The following RAB3C variants were observed in gnomAD, a reference collection of about 807,000 sequenced individuals.
RAB3C encodes the protein RAB3C, member RAS oncogene family, also known as ras-related protein Rab-3C.
Under a neutral mutation model 26.4 loss-of-function variants are expected in RAB3C, and 17 were observed. The ratio of observed to expected loss-of-function variants is 0.64; its 90% confidence interval spans 0.44 to 0.97. RAB3C has a LOEUF of 0.97. RAB3C is among the 50% of genes least tolerant of loss of function. The pLI is 0.00. For synonymous variants in RAB3C, 91 were observed against 95.9 expected, an observed-to-expected ratio of 0.95 and a Z score of 0.30; for missense variants, 242 against 281.9, an observed-to-expected ratio of 0.86 and a Z score of 1.01.
chr5:58,813,473 T>C (rs975886521), intron 3 of RAB3C, among the ~76,000 whole-genome samples: 1 of 151,732 alleles, frequency 6.6e-6, no homozygotes, highest in Non-Finnish European at 1.5e-5. Context: ...AGGTTGGGTA[T>C]CTTCTGTGGT....
In RAB3C at chr5:58,697,084, A is replaced by G. The variant is rs543873113; in HGVS notation, c.253-28918A>G. Among the ~76,000 whole-genome samples the G allele has an allele frequency of 4.7e-4, 72 of 152,218 alleles. 1 individual carries two copies. The highest frequency in any genetic ancestry group is 4.3e-3 in the South Asian group (21 of 4,834). Reference sequence around the variant, plus strand: ...TAGTGCTATAAATTTCCCTCTACACACTGCTTTAAACGTGTCCCAGAGGTT... The same window carrying G: ...TAGTGCTATAAATTTCCCTCTACACGCTGCTTTAAACGTGTCCCAGAGGTT... On this transcript the variant is annotated intron_variant, in intron 2 of 4. Transcript: ENST00000282878.
At chr5:58,815,527 C>T (rs916999125) in intron 3 of RAB3C, among the ~76,000 whole-genome samples, 1 of 152,188 alleles carries the variant, frequency 6.6e-6, no homozygotes, top group African/African-American at 2.4e-5. Flanking sequence ...CACTTGCCTT[C>T]CCTTACTGCA....
chr5:58,816,094 G>T (rs1743209558), intron 3 of RAB3C, among the ~76,000 whole-genome samples: 1 of 152,166 alleles, frequency 6.6e-6, no homozygotes, highest in African/African-American at 2.4e-5. Flanking sequence ...GAGCCATACT[G>T]CCAGCTCCAG....
chr5:58,635,846 C>T lies in RAB3C; in HGVS notation c.252+17976C>T, dbSNP rs780681570. On this transcript the variant is annotated intron_variant, in intron 2 of 4. Coordinates refer to ENST00000282878, the MANE Select transcript of RAB3C (RefSeq NM_138453.4). ...GAAGAGTTCACTAGATGGTGGACAA[C>T]GCGTGGTGTTTGGTAATAGGAGATA... is the stretch of plus-strand genomic sequence containing the variant. Among the ~76,000 whole-genome samples the T allele has an allele frequency of 7.2e-5, 11 of 152,172 alleles. 1 individual carries two copies. The East Asian group carries it at 7.7e-4, about 11-fold the overall frequency.
At chr5:58,741,117 C>T (rs917364378) in intron 3 of RAB3C, among the ~76,000 whole-genome samples, 3 of 152,088 alleles carry the variant, frequency 2.0e-5, no homozygotes, top group Admixed American at 6.5e-5. Context: ...TAGAACCAGC[C>T]GGAAAGATAG....
chr5:58,850,670 A>G (rs561921986), intron 4 of RAB3C, among the ~76,000 whole-genome samples: 1 of 152,214 alleles, frequency 6.6e-6, no homozygotes, highest in South Asian at 2.1e-4. Flanking sequence ...TAAAAAATTG[A>G]AATTAAAAAT....
At chr5:58,685,322 C>T (rs1016014453) in intron 2 of RAB3C, among the ~76,000 whole-genome samples, 6 of 152,098 alleles carry the variant, frequency 3.9e-5, no homozygotes, top group Admixed American at 3.3e-4. Context: ...GGAAGAATCT[C>T]CTGTCTTGTG....
intron 2 of RAB3C, among the ~76,000 whole-genome samples, chr5:58,711,378 T>C: frequency 6.6e-6 from 1 of 152,202 alleles, no homozygotes; most frequent in East Asian, 1.9e-4. Context: ...ACAGAGAACT[T>C]TTCTCATTTA....
At chr5:58,582,990 C>A, upstream of RAB3C, 1 of 1,310,822 alleles carries the variant, frequency 7.6e-7, no homozygotes, top group Non-Finnish European at 1.0e-6. Context: ...TTGCCGGGAA[C>A]ACCCGGAGGG....
At chr5:58,670,146 C>T (rs188188988) in intron 2 of RAB3C, among the ~76,000 whole-genome samples, 2 of 152,242 alleles carry the variant, frequency 1.3e-5, no homozygotes, top group African/African-American at 4.8e-5. Flanking sequence ...CTTATTCTCT[C>T]TCCCACCAAC....
At chr5:58,665,788 A>G (rs1198123809) in intron 2 of RAB3C, among the ~76,000 whole-genome samples, 1 of 152,206 alleles carries the variant, frequency 6.6e-6, no homozygotes, top group Non-Finnish European at 1.5e-5. Flanking sequence ...TATCCCATAC[A>G]TGTATTTTAG....
chr5:58,772,773 T>C (rs1436495318), intron 3 of RAB3C, among the ~76,000 whole-genome samples: 1 of 152,324 alleles, frequency 6.6e-6, no homozygotes, highest in Admixed American at 6.5e-5. Context: ...AGCATTCATA[T>C]GCCAAAAATC....
intron 1 of RAB3C, among the ~76,000 whole-genome samples, chr5:58,616,462 C>T (rs965266848): frequency 2.0e-5 from 3 of 152,108 alleles, no homozygotes; most frequent in African/African-American, 7.2e-5. Flanking sequence ...ATTCTAAATA[C>T]CTCTTTTCTA....
chr5:58,656,501 G>A (rs943033221), intron 2 of RAB3C, among the ~76,000 whole-genome samples: 1 of 151,814 alleles, frequency 6.6e-6, no homozygotes, highest in African/African-American at 2.4e-5. Flanking sequence ...TTTGTATCTG[G>A]CAATTAAAAA....
At chr5:58,653,968 T>A (rs999543891) in intron 2 of RAB3C, among the ~76,000 whole-genome samples, 2 of 152,182 alleles carry the variant, frequency 1.3e-5, no homozygotes, top group Non-Finnish European at 2.9e-5. Context: ...ATATACAAAG[T>A]GTTTTACATT....
At chr5:58,601,414 G>T (rs921082020) in intron 1 of RAB3C, among the ~76,000 whole-genome samples, 3 of 152,166 alleles carry the variant, frequency 2.0e-5, no homozygotes, top group East Asian at 3.9e-4. Context: ...GTATCAAAAG[G>T]ATTGGTACCA....
intron 2 of RAB3C, among the ~76,000 whole-genome samples, chr5:58,673,347 A>T (rs1361210778): frequency 6.6e-6 from 1 of 152,046 alleles, no homozygotes; most frequent in Non-Finnish European, 1.5e-5. Context: ...TTCATCAGAG[A>T]CCCAATTCAA....
intron 3 of RAB3C, among the ~76,000 whole-genome samples, chr5:58,810,383 C>G (rs1416624971): frequency 2.9e-4 from 42 of 145,836 alleles, no homozygotes; most frequent in African/African-American, 9.7e-4. Flanking sequence ...CTCTCTCTCT[C>G]TCTGTGTGTG....
intron 2 of RAB3C, among the ~76,000 whole-genome samples, chr5:58,724,508 T>C (rs1371300271): frequency 6.6e-6 from 1 of 151,856 alleles, no homozygotes; most frequent in Admixed American, 6.6e-5. Context: ...GGCTTGTACT[T>C]GGTAGATAGA....
Sources: gnomAD v4.1 joint callset for allele counts (sites outside exome capture counted in the v4.1 genomes callset) on GRCh38, gnomAD v4.1.1 for gene constraint, MANE v1.5 for transcripts, NCBI Gene and HGNC (gene_info 2026-07-23, HGNC 2026-07-21) for gene names.